Variants in TRIM11 observed in about 807,000 individuals in gnomAD.
The protein encoded by TRIM11 is tripartite motif containing 11, also known as E3 ubiquitin-protein ligase TRIM11.
TRIM11 carries 15 observed loss-of-function variants against 33.4 expected under a neutral mutation model. The observed-to-expected ratio is 0.45, with a 90% CI of 0.30 to 0.69. The LOEUF (loss-of-function observed/expected upper bound fraction) is 0.69, where lower values mean the gene tolerates loss of function less well. Among genes scored for constraint, TRIM11 ranks in the 30% least tolerant of loss-of-function variants. TRIM11 has a pLI of 0.08. For missense variants in TRIM11, 499 were observed against 667.6 expected, an observed-to-expected ratio of 0.75 and a Z score of 2.78; for synonymous variants, 281 against 302.6, an observed-to-expected ratio of 0.93 and a Z score of 0.74.
At chr1:228,402,184 C>T in intron 1 of TRIM11, 23 bp from the exon 2 acceptor site, 3 of 1,594,656 alleles carry the variant, frequency 1.9e-6, no homozygotes, top group Non-Finnish European at 2.6e-6. Flanking sequence ...CCAGGCAGGA[C>T]CATGAGACAT....
At position 228,406,595 on chromosome 1, in the gene TRIM11, C is replaced by T. The variant is rs1237534111; in HGVS notation, c.-34G>A. On this transcript the variant is annotated 5_prime_UTR_variant, in exon 1 of 6. Coordinates refer to ENST00000284551, the MANE Select transcript of TRIM11 (RefSeq NM_145214.3). This position sits in a 1 kb window ranked among gnomAD's most constrained non-coding sequence, Gnocchi z 8.2. Reference sequence around the variant, plus strand: ...CAGAGGGGAGGAAGGCGGTACTGTCCGCGGGGCGGCGGCGGGCGGCCTCGG... The same window carrying T: ...CAGAGGGGAGGAAGGCGGTACTGTCTGCGGGGCGGCGGCGGGCGGCCTCGG... 3.6e-6 allele frequency: 5 copies of T among 1,407,838 alleles called. No homozygotes were observed. The highest frequency in any genetic ancestry group is 1.6e-5 in the South Asian group (1 of 60,646). The allele number at this position is 1,407,838 out of a possible 1,614,324, so 87.2% of individuals were successfully genotyped here. A position where few individuals can be genotyped will look rare whatever the true frequency, so the allele number is the denominator to read the frequency against.
At position 228,406,775 on chromosome 1, in the gene TRIM11, G is replaced by T; in HGVS notation, c.-214C>A. ...CGGTAGCGCTGGGCGCGTAGGCTCC[G>T]AGCGCTCGGGGGACGCGGGACGTAG... On this transcript the variant is annotated 5_prime_UTR_variant, in exon 1 of 6. Transcript: ENST00000284551. The surrounding 1 kb of genome is among the most constrained non-coding windows in gnomAD (Gnocchi z 8.2). 2.6e-6 allele frequency: 1 copy of T among 379,968 alleles called. No homozygotes were observed. The highest frequency in any genetic ancestry group is 4.6e-6 in the Non-Finnish European group (1 of 219,418). The allele number at this position is 379,968 out of a possible 1,614,324, so 23.5% of individuals were successfully genotyped here. A position where few individuals can be genotyped will look rare whatever the true frequency, so the allele number is the denominator to read the frequency against.
chr1:228,401,173 G>A lies in TRIM11; in HGVS notation c.526C>T (p.Gln176Ter). Residue 176 changes from glutamine (Q) to a stop codon, truncating the protein, a stop_gained, in exon 3 of 6, where the codon CAG becomes TAG. Transcript: ENST00000284551. LOFTEE classifies it high-confidence loss of function. The surrounding 1 kb of genome is among the most constrained non-coding windows in gnomAD (Gnocchi z 6.1). ...CGCTCGAACTCACCCAGCACGTTCT[G>A]CCGCTGGCTCTCCACCATCTTCTGT... is the stretch of plus-strand genomic sequence containing the variant. ...LWQKMVESQR[Q>*]NVLGEFERLR... 6.2e-7 allele frequency: 1 copy of A among 1,613,210 alleles called. No homozygotes were observed. The highest frequency in any genetic ancestry group is 8.5e-7 in the Non-Finnish European group (1 of 1,179,770).
intron 3 of TRIM11, among the ~76,000 whole-genome samples, chr1:228,398,544 A>G (rs940567090): frequency 9.2e-5 from 14 of 152,296 alleles, no homozygotes; most frequent in South Asian, 2.1e-4. Context: ...GCTTCAGCCC[A>G]GGACATCGAG....
At chr1:228,399,730 C>A (rs2075015358) in intron 3 of TRIM11, among the ~76,000 whole-genome samples, 1 of 151,920 alleles carries the variant, frequency 6.6e-6, no homozygotes, top group Non-Finnish European at 1.5e-5. Flanking sequence ...AGGCTCAAAG[C>A]CAGCTGATGT....
Position 228,395,228 on chromosome 1 carries a change from G to GC in TRIM11, c.883_884insG (p.Thr295SerfsTer5). 6.8e-7 allele frequency: 1 copy of GC among 1,476,566 alleles called. No homozygotes were observed. The highest frequency in any genetic ancestry group is 1.4e-5 in the South Asian group (1 of 71,270). 91.5% of individuals were successfully genotyped at this position (1,476,566 alleles called of 1,614,324 possible). On this transcript the variant is annotated frameshift_variant, in exon 6 of 6. Coordinates refer to ENST00000284551, the MANE Select transcript of TRIM11 (RefSeq NM_145214.3). LOFTEE classifies it low-confidence loss of function (END_TRUNC). The surrounding 1 kb of genome is among the most constrained non-coding windows in gnomAD (Gnocchi z 4.8). ...AGACAGGATCAGCTCAGGGTTGGCG[G>GC]TGTCCGGGTCCAAGGTCACGTCCCC...
intron 1 of TRIM11, chr1:228,402,545 T>C (rs57986380): frequency 0.023 from 3,754 of 164,050 alleles, 143 homozygotes; most frequent in African/African-American, 0.08. Flanking sequence ...CTACTCCTCC[T>C]CCTCTTCCTT....
chr1:228,402,289 G>A (rs766033458), intron 1 of TRIM11, 128 bp from the exon 2 acceptor site: 5 of 650,818 alleles, frequency 7.7e-6, no homozygotes, highest in Non-Finnish European at 1.3e-5. Flanking sequence ...GGTGAATCAG[G>A]GAACTCAATG....
rs750203885 is a variant in TRIM11, at chr1:228,395,004, C to T, written c.1108G>A (p.Glu370Lys). 10 of 1,614,154 alleles carry T rather than the reference C, an allele frequency of 6.2e-6. No homozygotes were observed. The highest frequency in any genetic ancestry group is 8.5e-6 in the Non-Finnish European group (10 of 1,180,020). The part of the protein sequence containing the change: ...RENVNRKEKG[E>K]LSAGNGFWIL... ...CAGAAGCCGTTGCCCGCGGACAGCTCGCCCTTCTCCTTCCTGTTCACGTTC... is the reference window on the plus strand; with the variant it reads ...CAGAAGCCGTTGCCCGCGGACAGCTTGCCCTTCTCCTTCCTGTTCACGTTC... The change falls in exon 6 of 6, where the codon GAG (glutamate) becomes AAG (lysine). Residue 370 changes from glutamate to lysine, a missense_variant. Physicochemically the swap from Glu to Lys is moderately conservative, Grantham distance 56 (BLOSUM62 1). Transcript: ENST00000284551. This position sits in a 1 kb window ranked among gnomAD's most constrained non-coding sequence, Gnocchi z 4.8.
rs1442264062 is a variant in TRIM11 at position 228,393,832 on chromosome 1, G to C, written c.*873C>G. The C allele has an allele frequency of 6.6e-6, 1 of 152,272 alleles. No individual in the cohort carries two copies. Among genetic ancestry groups the C allele is most frequent in the East Asian group, 1.9e-4 (1 of 5,202 alleles). The allele number at this position is 152,272 out of a possible 1,614,324, so 9.4% of individuals were successfully genotyped here. On this transcript the variant is annotated 3_prime_UTR_variant, in exon 6 of 6. Transcript: ENST00000284551. ...TTCTTCTGTATGCCCCAGGCTCTGA[G>C]AAGCCACTGTTCCTCCCCAGGGTAG...
At chr1:228,399,887 AAAAC>A (rs1222292929) in intron 3 of TRIM11, among the ~76,000 whole-genome samples, 2 of 140,682 alleles carry the variant, frequency 1.4e-5, no homozygotes, top group African/African-American at 6.3e-5. Context: ...TACAAAAAAA[AAAAC>A]AAAAAAAAAA....
chr1:228,405,997 C>T, intron 1 of TRIM11, 157 bp downstream of exon 1: 1 of 830,586 alleles, frequency 1.2e-6, no homozygotes, highest in Non-Finnish European at 1.6e-6. Flanking sequence ...CTGCGCGACA[C>T]CCCCCTCACA....
chr1:228,403,581 AC>A lies in TRIM11; in HGVS notation c.409-1421del, dbSNP rs980901790. On this transcript the variant is annotated intron_variant, in intron 1 of 5. Transcript: ENST00000284551. This position sits in a 1 kb window ranked among gnomAD's most constrained non-coding sequence, Gnocchi z 4.8. ...AGAAAACTCAGGCCTGGCCCCTGTG[AC>A]CCCAACCCCACCTCAAACACTTGGC... The A allele has an allele frequency of 2.6e-5, 4 of 152,248 alleles. No homozygotes were observed. The highest frequency in any genetic ancestry group is 9.6e-5 in the African/African-American group (4 of 41,500). The allele number at this position is 152,248 out of a possible 1,614,324, so 9.4% of individuals were successfully genotyped here.
Position 228,406,441 on chromosome 1 carries a change from G to A in TRIM11, c.121C>T (p.Arg41Trp). The A allele has an allele frequency of 6.3e-7, 1 of 1,589,392 alleles. No homozygotes were observed. The highest frequency in any genetic ancestry group is 8.5e-7 in the Non-Finnish European group (1 of 1,172,710). ...CCCTCGGGCTGGCCCCAGCAGCGCC[G>A]GATGCACTCGCGGCAGAAGTTGTGG... Reference protein sequence around the residue: ...CGHNFCRECIRRCWGQPEGPY... With the variant: ...CGHNFCRECIWRCWGQPEGPY... The change falls in exon 1 of 6, where the codon CGG becomes TGG. Residue 41 changes from arginine (R) to tryptophan (W), a missense_variant. Coordinates refer to ENST00000284551, the MANE Select transcript of TRIM11 (RefSeq NM_145214.3). The surrounding 1 kb of genome is among the most constrained non-coding windows in gnomAD (Gnocchi z 8.2).
rs1468719551 is a variant in TRIM11 at position 228,406,710 on chromosome 1, T to C, written c.-149A>G. On this transcript the variant is annotated 5_prime_UTR_variant, in exon 1 of 6. Transcript: ENST00000284551. The surrounding 1 kb of genome is among the most constrained non-coding windows in gnomAD (Gnocchi z 8.2). ...GCTCGGGACTCCCGGGTGCTCGGGC[T>C]CCGGGGCGCGGGGACTCCAGGGCGC... is the stretch of plus-strand genomic sequence containing the variant. The C allele has an allele frequency of 4.1e-5, 30 of 727,582 alleles. No individual in the cohort carries two copies. Among genetic ancestry groups the C allele is most frequent in the African/African-American group, 5.7e-5 (3 of 52,640 alleles). 45.1% of individuals were successfully genotyped at this position (727,582 alleles called of 1,614,324 possible). A position where few individuals can be genotyped will look rare whatever the true frequency, so the allele number is the denominator to read the frequency against.
chr1:228,396,066 CCT>C (rs2149090105), intron 5 of TRIM11: 1 of 152,892 alleles, frequency 6.5e-6, no homozygotes, highest in South Asian at 2.1e-4. Context: ...CTGGGAATTT[CCT>C]GACTGATAGA....
Position 228,394,859 on chromosome 1 carries a change from T to A in TRIM11, c.1253A>T (p.Tyr418Phe). ...TAGCAGTGACCCATCGGTGGCACTG[T>A]AGAAAGAGAGATGTCCAGCCTCGTA... is the stretch of plus-strand genomic sequence containing the variant. ...LDYEAGHLSF[Y>F]SATDGSLLFI... Residue 418 changes from tyrosine to phenylalanine, a missense_variant, in exon 6 of 6, where the codon TAC becomes TTC. By Grantham distance (22) the Tyr-to-Phe change is conservative (BLOSUM62 3). Transcript: ENST00000284551. The surrounding 1 kb of genome is among the most constrained non-coding windows in gnomAD (Gnocchi z 6.2). 1 of 1,613,446 alleles carries A rather than the reference T, an allele frequency of 6.2e-7. No individual in the cohort carries two copies. The highest frequency in any genetic ancestry group is 2.2e-5 in the East Asian group (1 of 44,804).
At chr1:228,405,262 C>T (rs889541167) in intron 1 of TRIM11, 1 of 152,246 alleles carries the variant, frequency 6.6e-6, no homozygotes, top group Non-Finnish European at 1.5e-5. Flanking sequence ...CAGATTTATT[C>T]TAGTATCCCA....
chr1:228,401,664 C>T lies in TRIM11; in HGVS notation c.504+402G>A, dbSNP rs934721748. On this transcript the variant is annotated intron_variant, in intron 2 of 5. Coordinates refer to ENST00000284551, the MANE Select transcript of TRIM11 (RefSeq NM_145214.3). The surrounding 1 kb of genome is among the most constrained non-coding windows in gnomAD (Gnocchi z 6.1). ...GCTTCCCAGATCCCAAATCCACCAC[C>T]CAGAGCCTCCCAGACCCCAAATCTA... Among the ~76,000 whole-genome samples the T allele has an allele frequency of 2.0e-5, 3 of 152,062 alleles. No homozygotes were observed. Among genetic ancestry groups the T allele is most frequent in the African/African-American group, 7.3e-5 (3 of 41,378 alleles).
Sources: allele counts gnomAD v4.1 joint callset (sites outside exome capture counted in the v4.1 genomes callset), GRCh38; gene constraint gnomAD v4.1.1; non-coding constraint Gnocchi (gnomAD v3.1); transcripts MANE v1.5; gene names NCBI Gene and HGNC (gene_info 2026-07-23, HGNC 2026-07-21).